The following SH3GL3 variants were observed in gnomAD, a reference collection of about 807,000 sequenced individuals.
The protein encoded by SH3GL3 is endophilin-A3.
SH3GL3 carries 33 observed loss-of-function variants against 47.7 expected under a neutral mutation model. The ratio of observed to expected loss-of-function variants is 0.69; its 90% CI spans 0.52 to 0.92. The LOEUF is 0.92. Among genes scored for constraint, SH3GL3 ranks in the 40% least tolerant of loss-of-function variants. The pLI is 0.00. For synonymous variants in SH3GL3, 155 were observed against 148.8 expected (o/e 1.04, Z -0.30); for missense variants, 363 against 417.8 (o/e 0.87, Z 1.14).
intron 1 of SH3GL3, among the ~76,000 whole-genome samples, chr15:83,504,014 T>C (rs1455572315): frequency 6.6e-6 from 1 of 152,250 alleles, no homozygotes; most frequent in Non-Finnish European, 1.5e-5. Flanking sequence ...GAATCACTGT[T>C]TATTTCCATT....
At chr15:83,467,897 G>C (rs973821142) in intron 1 of SH3GL3, among the ~76,000 whole-genome samples, 1 of 151,972 alleles carries the variant, frequency 6.6e-6, no homozygotes, top group Non-Finnish European at 1.5e-5. Context: ...GCACAATCTT[G>C]GCTCACTGCA....
chr15:83,533,704 T>G (rs71408815), intron 1 of SH3GL3, among the ~76,000 whole-genome samples: 22,469 of 152,156 alleles, frequency 0.15, 1,950 homozygotes, highest in Middle Eastern at 0.22. Flanking sequence ...ACCCCAGAGT[T>G]TCTTGCCCTC....
intron 1 of SH3GL3, among the ~76,000 whole-genome samples, chr15:83,541,283 G>A (rs1035203118): frequency 2.8e-5 from 4 of 140,728 alleles, no homozygotes; most frequent in African/African-American, 1.0e-4. Context: ...TTTCCTAGCA[G>A]TGGGATGGCT....
chr15:83,582,207 T>C (rs559804077), intron 6 of SH3GL3, among the ~76,000 whole-genome samples: 4 of 152,356 alleles, frequency 2.6e-5, no homozygotes, highest in African/African-American at 7.2e-5. Flanking sequence ...GTAGCAAATG[T>C]AGGTCTTTGA....
At chr15:83,549,492 A>G (rs1253187686) in intron 1 of SH3GL3, among the ~76,000 whole-genome samples, 2 of 152,190 alleles carry the variant, frequency 1.3e-5, no homozygotes, top group African/African-American at 4.8e-5. Flanking sequence ...TTTTACTCCT[A>G]GGGTTTAGGC....
rs553211972 is a variant in SH3GL3, at chr15:83,537,566, G to A, written c.46-21687G>A. ...AGAATTTGCCTTTGGGTATAGAGAT[G>A]GCGTGTGGGGATGGGGGTGGAGGGG... is the stretch of plus-strand genomic sequence containing the variant. On this transcript the variant is annotated intron_variant, in intron 1 of 8. Transcript: ENST00000427482. Among the ~76,000 whole-genome samples the A allele has an allele frequency of 1.8e-4, 27 of 152,182 alleles. No individual in the cohort carries two copies. The East Asian group carries it at 3.9e-3, about 22-fold the overall frequency.
Position 83,491,932 on chromosome 15 carries a change from T to C in SH3GL3, c.45+44354T>C, listed in dbSNP as rs570434602. Among the ~76,000 whole-genome samples the C allele has an allele frequency of 2.6e-5, 4 of 152,284 alleles. No individual in the cohort carries two copies. The East Asian group carries it at 7.7e-4, about 29-fold the overall frequency. ...TGGTGGTATAGGAAGGACACAGACT[T>C]ACCTGTAGGTTTCTTGCCAAAAAAT... On this transcript the variant is annotated intron_variant, in intron 1 of 8. Coordinates refer to ENST00000427482, the MANE Select transcript of SH3GL3 (RefSeq NM_003027.5).
At chr15:83,571,106 A>T (rs2045793446) in intron 4 of SH3GL3, among the ~76,000 whole-genome samples, 1 of 152,186 alleles carries the variant, frequency 6.6e-6, no homozygotes, top group Non-Finnish European at 1.5e-5. Flanking sequence ...TTGGGGGGCC[A>T]CATACTGGGA....
chr15:83,464,987 GTATAATAATAATAATAATAA>G, intron 1 of SH3GL3, among the ~76,000 whole-genome samples: 1 of 101,338 alleles, frequency 9.9e-6, no homozygotes, highest in South Asian at 4.0e-4. Context: ...AGAACTTAAA[GTATAATAATAATAATAATAA>G]TAATAATAAT....
At chr15:83,507,356 G>A (rs1331878237) in intron 1 of SH3GL3, among the ~76,000 whole-genome samples, 4 of 151,414 alleles carry the variant, frequency 2.6e-5, no homozygotes, top group African/African-American at 9.7e-5. Context: ...TCTTTTGTTG[G>A]TTTTAATTAC....
intron 1 of SH3GL3, among the ~76,000 whole-genome samples, chr15:83,475,356 G>C (rs2041047737): frequency 6.6e-6 from 1 of 151,942 alleles, no homozygotes; most frequent in Non-Finnish European, 1.5e-5. Flanking sequence ...TTGCGTGCCT[G>C]TAATCCCAGC....
chr15:83,580,854 C>T (rs960046993), intron 6 of SH3GL3, among the ~76,000 whole-genome samples: 1 of 152,186 alleles, frequency 6.6e-6, no homozygotes, highest in African/African-American at 2.4e-5. Context: ...ATCCTACTAA[C>T]TAGGGAGCAC....
chr15:83,610,554 A>C (rs1239627635), intron 8 of SH3GL3, among the ~76,000 whole-genome samples: 2 of 152,130 alleles, frequency 1.3e-5, no homozygotes, highest in Admixed American at 1.3e-4. Context: ...AAAGGAAAAG[A>C]GAAAAGAAAG....
chr15:83,630,674 C>A, the SH3GL3 span, among the ~76,000 whole-genome samples: 1 of 152,164 alleles, frequency 6.6e-6, no homozygotes. Flanking sequence ...GAGAACTCAC[C>A]ATCATGAGAA....
chr15:83,571,129 C>T (rs915595166), intron 4 of SH3GL3, among the ~76,000 whole-genome samples: 1 of 152,208 alleles, frequency 6.6e-6, no homozygotes, highest in African/African-American at 2.4e-5. Context: ...TCCTACAGTA[C>T]AGAAACCTCA....
intron 6 of SH3GL3, among the ~76,000 whole-genome samples, chr15:83,585,576 G>A (rs927016453): frequency 2.6e-5 from 4 of 152,182 alleles, no homozygotes; most frequent in African/African-American, 7.2e-5. Context: ...TACTACGATC[G>A]TGCTAGGCCA....
chr15:83,501,878 G>A (rs144617525), intron 1 of SH3GL3, among the ~76,000 whole-genome samples: 246 of 152,102 alleles, frequency 1.6e-3, no homozygotes, highest in Non-Finnish European at 2.8e-3. Flanking sequence ...GCGACAGAGT[G>A]AGATTCCGTC....
chr15:83,493,398 C>T (rs191646266), intron 1 of SH3GL3, among the ~76,000 whole-genome samples: 1 of 152,252 alleles, frequency 6.6e-6, no homozygotes, highest in Non-Finnish European at 1.5e-5. Flanking sequence ...CAAAAAAAAG[C>T]ACATGTACAC....
At chr15:83,601,179 GC>G (rs1403846464) in intron 8 of SH3GL3, among the ~76,000 whole-genome samples, 2 of 152,134 alleles carry the variant, frequency 1.3e-5, no homozygotes, top group Admixed American at 6.5e-5. Flanking sequence ...CGATTTGGAT[GC>G]CCTTTATTTC....
Sources: allele counts gnomAD v4.1 joint callset (sites outside exome capture counted in the v4.1 genomes callset), GRCh38; gene constraint gnomAD v4.1.1; transcripts MANE v1.5; gene names NCBI Gene and HGNC (gene_info 2026-07-23, HGNC 2026-07-21).